GLIS3: variants seen among roughly 807,000 people sequenced by gnomAD.
GLIS3 encodes GLIS family zinc finger 3.
GLIS3 carries 53 observed loss-of-function variants against 78.6 expected under a neutral mutation model. The observed-to-expected ratio is 0.67, with a 90% CI of 0.54 to 0.85. The LOEUF (loss-of-function observed/expected upper bound fraction) is 0.85, where lower values mean the gene tolerates loss of function less well. Ranked by LOEUF, GLIS3 falls within the 40% of genes least tolerant of loss-of-function variation. The probability of loss-of-function intolerance (pLI) is 0.00; values close to 1 mark genes in which losing one functional copy is unlikely to be tolerated. For synonymous variants in GLIS3, 684 were observed against 509.9 expected (o/e 1.34, Z -4.60); for missense variants, 1,703 against 1,231.1 (o/e 1.38, Z -5.74).
chr9:3,892,974 T>G (rs1186073646), intron 7 of GLIS3, among the ~76,000 whole-genome samples: 2 of 152,160 alleles, frequency 1.3e-5, no homozygotes, highest in African/African-American at 2.4e-5. Flanking sequence ...TATTTTAAGT[T>G]CAGGGTCACA....
chr9:4,167,863 G>A (rs966858010), intron 2 of GLIS3, among the ~76,000 whole-genome samples: 1 of 152,094 alleles, frequency 6.6e-6, no homozygotes, highest in African/African-American at 2.4e-5. Context: ...TTCCTATTCC[G>A]AAGTGTTTGT....
chr9:4,488,039 C>T, the GLIS3 span, among the ~76,000 whole-genome samples: 2 of 152,086 alleles, frequency 1.3e-5, no homozygotes, highest in Admixed American at 1.3e-4. Context: ...CAAAGATGAC[C>T]ATTGTTAAAA....
chr9:4,056,493 C>G (rs531836291), intron 4 of GLIS3, among the ~76,000 whole-genome samples: 2 of 152,036 alleles, frequency 1.3e-5, no homozygotes, highest in Non-Finnish European at 2.9e-5. Flanking sequence ...GGAGAGGTAA[C>G]AAATGAAATG....
intron 1 of GLIS3, among the ~76,000 whole-genome samples, chr9:4,296,002 T>G (rs981548735): frequency 6.6e-6 from 1 of 152,094 alleles, no homozygotes; most frequent in Non-Finnish European, 1.5e-5. Flanking sequence ...CCAACCAAAC[T>G]TAGGGAAAAG....
At chr9:4,403,194 T>C in the GLIS3 span, among the ~76,000 whole-genome samples, 19 of 152,190 alleles carry the variant, frequency 1.2e-4, no homozygotes, top group South Asian at 2.3e-3. Context: ...GGAACATAAC[T>C]TTTACCCTAT....
chr9:4,018,498 A>T (rs1822616202), intron 4 of GLIS3, among the ~76,000 whole-genome samples: 1 of 152,196 alleles, frequency 6.6e-6, no homozygotes, highest in Non-Finnish European at 1.5e-5. Context: ...TTTGGAATTA[A>T]ATTAACCCTG....
At chr9:4,358,727 CAT>C in the GLIS3 span, among the ~76,000 whole-genome samples, 1 of 152,176 alleles carries the variant, frequency 6.6e-6, no homozygotes, top group Non-Finnish European at 1.5e-5. Flanking sequence ...TATGTGTGCA[CAT>C]ATGTGTTTAT....
At chr9:4,141,547 G>A (rs973533618) in intron 2 of GLIS3, among the ~76,000 whole-genome samples, 2 of 152,176 alleles carry the variant, frequency 1.3e-5, no homozygotes, top group African/African-American at 2.4e-5. Context: ...CCTTGGTAGT[G>A]TATCAGGCCA....
At chr9:4,295,981 T>TA (rs748762731) in intron 1 of GLIS3, among the ~76,000 whole-genome samples, 46 of 152,306 alleles carry the variant, frequency 3.0e-4, no homozygotes, top group Non-Finnish European at 5.3e-4. Context: ...CCAGTCCTGA[T>TA]AGTCTATGAA....
chr9:4,104,314 C>T (rs527468796), intron 4 of GLIS3, among the ~76,000 whole-genome samples: 3 of 152,224 alleles, frequency 2.0e-5, no homozygotes, highest in South Asian at 2.1e-4. Context: ...ATGAACCAAA[C>T]CTTAAAGTTA....
Position 3,828,199 on chromosome 9 carries a change from TGTGAGA to T in GLIS3, c.*67_*72del, listed in dbSNP as rs1817828181. The stretch of plus-strand genomic sequence containing the variant: ...GGCTGACATCCTTCCTCAAGCAGTC[TGTGAGA>T]GTACGAAAACAAAAGGTGGCAAGCA... On this transcript the variant is annotated 3_prime_UTR_variant, in exon 11 of 11. Coordinates refer to ENST00000381971, the MANE Select transcript of GLIS3 (RefSeq NM_001042413.2). 6.4e-7 allele frequency: 1 copy of T among 1,569,314 alleles called. No individual in the cohort carries two copies. The highest frequency in any genetic ancestry group is 8.8e-7 in the Non-Finnish European group (1 of 1,141,700).
intron 2 of GLIS3, among the ~76,000 whole-genome samples, chr9:4,343,373 C>G (rs1243169147): frequency 1.3e-5 from 2 of 152,122 alleles, no homozygotes; most frequent in Non-Finnish European, 2.9e-5. Context: ...GAGATACTAT[C>G]TCACACCAGT....
intron 2 of GLIS3, among the ~76,000 whole-genome samples, chr9:4,313,509 T>C (rs964905840): frequency 6.6e-5 from 10 of 152,194 alleles, no homozygotes; most frequent in African/African-American, 1.2e-4. Flanking sequence ...CGTGGCTCCA[T>C]TGGCCTCCAG....
chr9:4,300,077 G>A (rs960695736), upstream of GLIS3, among the ~76,000 whole-genome samples: 4 of 151,602 alleles, frequency 2.6e-5, no homozygotes, highest in East Asian at 7.9e-4. Flanking sequence ...GTGCGGCCGC[G>A]AGGGCCGGCC....
At chr9:4,333,481 G>A (rs866418169) in intron 2 of GLIS3, among the ~76,000 whole-genome samples, 5 of 152,262 alleles carry the variant, frequency 3.3e-5, no homozygotes, top group African/African-American at 7.2e-5. Flanking sequence ...CAGAAGGAGA[G>A]ATTTCTAGTC....
the GLIS3 span, among the ~76,000 whole-genome samples, chr9:4,388,788 G>A: frequency 6.6e-6 from 1 of 152,166 alleles, no homozygotes; most frequent in Admixed American, 6.5e-5. Flanking sequence ...AGAAGAAAGA[G>A]AGTAAGAATA....
chr9:3,876,975 T>C (rs1364829366), intron 8 of GLIS3, among the ~76,000 whole-genome samples: 2 of 152,050 alleles, frequency 1.3e-5, no homozygotes, highest in Non-Finnish European at 2.9e-5. Flanking sequence ...TCTTTGACTC[T>C]GATAATAATT....
chr9:4,084,313 T>G (rs1370767361), intron 4 of GLIS3, among the ~76,000 whole-genome samples: 25 of 136,530 alleles, frequency 1.8e-4, no homozygotes. Flanking sequence ...AGCCTCCCCT[T>G]AAACTTAGAG....
intron 2 of GLIS3, among the ~76,000 whole-genome samples, chr9:4,137,638 G>C (rs540639248): frequency 3.3e-5 from 5 of 152,108 alleles, no homozygotes; most frequent in African/African-American, 1.2e-4. Context: ...AGGATGCAAA[G>C]ATAAATTAAG....
Sources: allele counts gnomAD v4.1 joint callset (sites outside exome capture counted in the v4.1 genomes callset), GRCh38; gene constraint gnomAD v4.1.1; transcripts MANE v1.5; gene names NCBI Gene and HGNC (gene_info 2026-07-23, HGNC 2026-07-21).